Variants in EDIL3 observed in about 807,000 individuals in gnomAD.
The protein encoded by EDIL3 is EGF like and discoidin domains 3, also known as EGF-like repeat and discoidin I-like domain-containing protein 3.
Under a neutral mutation model 67.4 loss-of-function variants are expected in EDIL3, and 37 were observed. The observed-to-expected ratio is 0.55, with a 90% CI of 0.42 to 0.72. The LOEUF (loss-of-function observed/expected upper bound fraction) is 0.72, where lower values mean the gene tolerates loss of function less well. Among genes scored for constraint, EDIL3 ranks in the 30% least tolerant of loss-of-function variants. The pLI, the probability that EDIL3 is intolerant of heterozygous loss-of-function variation, is 0.00. For missense variants in EDIL3, 527 were observed against 586.3 expected, an observed-to-expected ratio of 0.90 and a Z score of 1.04; for synonymous variants, 195 against 196.3, an observed-to-expected ratio of 0.99 and a Z score of 0.05.
intron 9 of EDIL3, among the ~76,000 whole-genome samples, chr5:84,017,201 T>G (rs1358987254): frequency 6.6e-6 from 1 of 152,210 alleles, no homozygotes; most frequent in East Asian, 1.9e-4. Flanking sequence ...GATTTACACA[T>G]CTTTTTGTAA....
chr5:84,267,934 C>T lies in EDIL3; in HGVS notation c.68-13722G>A, dbSNP rs184437017. 5.9e-5 allele frequency among the ~76,000 whole-genome samples: 9 copies of T among 152,128 alleles called. No homozygotes were observed. In the South Asian group the frequency reaches 1.7e-3, roughly 28 times the overall value. Reference sequence around the variant, plus strand: ...GGCAGACTACCTGAGCTCAGGAGTTCGAGGCCAGCCTGGGCAACATGTTGA... The same window carrying T: ...GGCAGACTACCTGAGCTCAGGAGTTTGAGGCCAGCCTGGGCAACATGTTGA... On this transcript the variant is annotated intron_variant, in intron 1 of 10. Coordinates refer to ENST00000296591, the MANE Select transcript of EDIL3 (RefSeq NM_005711.5).
chr5:84,163,348 CACTT>C (rs1206166930), intron 4 of EDIL3, among the ~76,000 whole-genome samples: 1 of 152,072 alleles, frequency 6.6e-6, no homozygotes, highest in African/African-American at 2.4e-5. Context: ...ACAAAAATGT[CACTT>C]ACATTCCTAT....
At chr5:83,996,766 A>G (rs752737784) in intron 9 of EDIL3, among the ~76,000 whole-genome samples, 1 of 152,216 alleles carries the variant, frequency 6.6e-6, no homozygotes, top group Non-Finnish European at 1.5e-5. Context: ...CTTCCTAGAA[A>G]AGGTGATATG....
chr5:84,125,578 G>C (rs1440611407), intron 5 of EDIL3, among the ~76,000 whole-genome samples: 1 of 151,954 alleles, frequency 6.6e-6, no homozygotes, highest in Non-Finnish European at 1.5e-5. Context: ...TTACATGTGT[G>C]TTTAGTGGCA....
In EDIL3 at chr5:84,312,162, G is replaced by A. The variant is rs917447084; in HGVS notation, c.68-57950C>T. Among the ~76,000 whole-genome samples, 16 of 150,538 alleles carry A rather than the reference G, an allele frequency of 1.1e-4. No individual in the cohort carries two copies. In the South Asian group the frequency reaches 3.2e-3, roughly 30 times the overall value. ...CGGGCAGAGGCGCCCCTCACCTCCC[G>A]GACCGGGCAGCTGGCCGGGCGGGGG... On this transcript the variant is annotated intron_variant, in intron 1 of 10. Coordinates refer to ENST00000296591, the MANE Select transcript of EDIL3 (RefSeq NM_005711.5).
At chr5:83,975,256 G>A (rs918661652) in intron 9 of EDIL3, among the ~76,000 whole-genome samples, 1 of 151,838 alleles carries the variant, frequency 6.6e-6, no homozygotes, top group Admixed American at 6.6e-5. Flanking sequence ...AATTACACAA[G>A]GGCTAATTTC....
chr5:84,066,379 C>T (rs1746641186), intron 7 of EDIL3, 72 bp downstream of exon 7: 1 of 1,467,270 alleles, frequency 6.8e-7, no homozygotes, highest in Admixed American at 2.7e-5. Flanking sequence ...CTCCTGAAGA[C>T]CTTGTCATTT....
intron 4 of EDIL3, among the ~76,000 whole-genome samples, chr5:84,165,722 C>A (rs371424876): frequency 6.6e-5 from 10 of 152,224 alleles, no homozygotes; most frequent in African/African-American, 2.4e-4. Flanking sequence ...CTGTTCACGG[C>A]TCCTTCATCT....
At chr5:83,971,278 CTT>C (rs571222408) in intron 9 of EDIL3, among the ~76,000 whole-genome samples, 20 of 139,358 alleles carry the variant, frequency 1.4e-4, no homozygotes, top group Admixed American at 2.9e-4. Context: ...ATCCTTTTTT[CTT>C]TTTTTTTTTT....
At chr5:84,137,485 G>T in intron 4 of EDIL3, 131 bp from the exon 5 acceptor site, 1 of 668,216 alleles carries the variant, frequency 1.5e-6, no homozygotes, top group Non-Finnish European at 2.5e-6. Flanking sequence ...GCATGTGTGT[G>T]TTTAGTCAGT....
At chr5:83,957,711 A>C (rs962024030) in intron 10 of EDIL3, among the ~76,000 whole-genome samples, 4 of 151,698 alleles carry the variant, frequency 2.6e-5, no homozygotes, top group African/African-American at 9.7e-5. Flanking sequence ...AACTGACATA[A>C]TCTATGTGCT....
intron 9 of EDIL3, among the ~76,000 whole-genome samples, chr5:84,018,669 G>C (rs1745651586): frequency 6.6e-6 from 1 of 152,088 alleles, no homozygotes; most frequent in African/African-American, 2.4e-5. Context: ...TAACTGATAA[G>C]ATCTTATGAG....
At chr5:84,194,407 G>A (rs1226291295) in intron 3 of EDIL3, among the ~76,000 whole-genome samples, 14 of 151,766 alleles carry the variant, frequency 9.2e-5, no homozygotes, top group Non-Finnish European at 1.9e-4. Context: ...TCTCGACAAA[G>A]ATTTGCCCAC....
chr5:84,271,278 G>A lies in EDIL3; in HGVS notation c.68-17066C>T, dbSNP rs182320647. ...AAATACAAAAAATTAGCCGGGCTTG[G>A]TGGTGGGCGCCTGTAGTCCCAGCTA... On this transcript the variant is annotated intron_variant, in intron 1 of 10. Transcript: ENST00000296591. Among the ~76,000 whole-genome samples, 712 of 152,094 alleles carry A rather than the reference G, an allele frequency of 4.7e-3. 4 individuals are homozygous for A. Among genetic ancestry groups the A allele is most frequent in the African/African-American group, 0.016 (675 of 41,538 alleles).
intron 4 of EDIL3, among the ~76,000 whole-genome samples, chr5:84,143,257 T>C (rs1220895737): frequency 3.3e-5 from 5 of 152,078 alleles, no homozygotes; most frequent in Admixed American, 1.3e-4. Flanking sequence ...AATCTTCTGT[T>C]CTTGAACTCC....
At chr5:84,306,395 A>G (rs368427773) in intron 1 of EDIL3, among the ~76,000 whole-genome samples, 3 of 152,354 alleles carry the variant, frequency 2.0e-5, no homozygotes, top group South Asian at 4.1e-4. Flanking sequence ...AGTAGGACAC[A>G]CTTTATTAAT....
intron 3 of EDIL3, among the ~76,000 whole-genome samples, chr5:84,216,187 C>A (rs1343293403): frequency 6.6e-6 from 1 of 152,144 alleles, no homozygotes; most frequent in Non-Finnish European, 1.5e-5. Flanking sequence ...GACAGGAAGC[C>A]TGTAAGAGGA....
intron 2 of EDIL3, among the ~76,000 whole-genome samples, chr5:84,240,921 C>T (rs1395056678): frequency 6.6e-6 from 1 of 152,122 alleles, no homozygotes; most frequent in African/African-American, 2.4e-5. Flanking sequence ...AAAGTTTCCC[C>T]ATGTCTCCTG....
chr5:84,383,885 A>C (rs1278480298), intron 1 of EDIL3, among the ~76,000 whole-genome samples: 1 of 152,024 alleles, frequency 6.6e-6, no homozygotes, highest in Non-Finnish European at 1.5e-5. Context: ...TTCCCGCATC[A>C]ACTAGCTGAC....
Sources: allele counts gnomAD v4.1 joint callset (sites outside exome capture counted in the v4.1 genomes callset), GRCh38; gene constraint gnomAD v4.1.1; transcripts MANE v1.5; gene names NCBI Gene and HGNC (gene_info 2026-07-23, HGNC 2026-07-21).